The following FAM13A variants were observed in gnomAD, a reference collection of about 807,000 sequenced individuals.
The protein encoded by FAM13A is protein FAM13A.
Under a neutral mutation model 129.6 loss-of-function variants are expected in FAM13A, and 76 were observed. The observed-to-expected ratio is 0.59, with a 90% confidence interval of 0.49 to 0.71. The LOEUF is 0.71. FAM13A is among the 30% of genes least tolerant of loss of function. The probability of loss-of-function intolerance (pLI) is 0.00; values close to 1 mark genes in which losing one functional copy is unlikely to be tolerated. For missense variants in FAM13A, 1,108 were observed against 1,249.3 expected, an observed-to-expected ratio of 0.89 and a Z score of 1.70; for synonymous variants, 443 against 449.9, an observed-to-expected ratio of 0.98 and a Z score of 0.20.
chr4:89,046,877 A>G (rs1770924746), intron 1 of FAM13A, among the ~76,000 whole-genome samples: 1 of 152,150 alleles, frequency 6.6e-6, no homozygotes, highest in Non-Finnish European at 1.5e-5. Flanking sequence ...TAACTCAAAG[A>G]GTTGAGTAAA....
intron 6 of FAM13A, among the ~76,000 whole-genome samples, chr4:88,867,996 A>C (rs1028665303): frequency 1.3e-5 from 2 of 152,200 alleles, no homozygotes; most frequent in Non-Finnish European, 2.9e-5. Flanking sequence ...TCACTTCTAA[A>C]GTTTCCAAAC....
At chr4:88,990,156 G>C (rs1050262708) in intron 4 of FAM13A, 1 of 152,168 alleles carries the variant, frequency 6.6e-6, no homozygotes, top group Non-Finnish European at 1.5e-5. Flanking sequence ...CTGGAACCCT[G>C]TAGTCACTAG....
At chr4:88,887,573 C>G (rs1416855978) in intron 6 of FAM13A, among the ~76,000 whole-genome samples, 1 of 150,262 alleles carries the variant, frequency 6.7e-6, no homozygotes, top group East Asian at 2.0e-4. Context: ...CTCTGTTGCC[C>G]AGGCTGGAGT....
intron 3 of FAM13A, among the ~76,000 whole-genome samples, chr4:89,005,763 T>A (rs191242918): frequency 3.3e-5 from 5 of 151,536 alleles, no homozygotes; most frequent in African/African-American, 1.2e-4. Context: ...AATGGGGTTG[T>A]TTTTCTTTCC....
chr4:88,991,037 G>A lies in FAM13A; in HGVS notation c.541C>T (p.His181Tyr), dbSNP rs1399462611. 6.2e-7 allele frequency: 1 copy of A among 1,614,176 alleles called. No homozygotes were observed. Among genetic ancestry groups the A allele is most frequent in the East Asian group, 2.2e-5 (1 of 44,886 alleles). Reference sequence around the variant, plus strand: ...ACATTCATGCGATTCTGCACATGATGCTTGGCTACTTTTGTCAAGAACTGG... The same window carrying A: ...ACATTCATGCGATTCTGCACATGATACTTGGCTACTTTTGTCAAGAACTGG... The part of the protein sequence containing the change: ...LCQFLTKVAK[H>Y]HVQNRMNVHN... The change falls in exon 4 of 24, where the codon CAT becomes TAT. Residue 181 changes from histidine (H) to tyrosine (Y), a missense_variant. By Grantham distance (83) the His-to-Tyr change is moderately conservative. Coordinates refer to ENST00000264344, the MANE Select transcript of FAM13A (RefSeq NM_014883.4).
chr4:88,990,829 T>C, intron 4 of FAM13A, 144 bp downstream of exon 4: 1 of 549,764 alleles, frequency 1.8e-6, no homozygotes, highest in African/African-American at 1.9e-5. Flanking sequence ...AAGGCTAACA[T>C]GCCCAAGAAC....
chr4:89,013,200 C>T (rs1402718647), intron 3 of FAM13A, among the ~76,000 whole-genome samples: 1 of 151,250 alleles, frequency 6.6e-6, no homozygotes, highest in African/African-American at 2.4e-5. Context: ...CAACAAGAAA[C>T]ACAGTAATCC....
intron 14 of FAM13A, among the ~76,000 whole-genome samples, chr4:88,756,772 C>T (rs777648835): frequency 9.9e-5 from 15 of 152,004 alleles, no homozygotes; most frequent in Non-Finnish European, 1.5e-4. Flanking sequence ...TCCTTACTTT[C>T]ATTATACTTA....
At chr4:88,791,489 T>G (rs1725143874) in intron 8 of FAM13A, among the ~76,000 whole-genome samples, 1 of 152,110 alleles carries the variant, frequency 6.6e-6, no homozygotes, top group Non-Finnish European at 1.5e-5. Context: ...TCTCACAATC[T>G]GCCCTCTAGT....
chr4:88,745,179 G>C (rs936954809), intron 19 of FAM13A, among the ~76,000 whole-genome samples: 1 of 152,164 alleles, frequency 6.6e-6, no homozygotes, highest in African/African-American at 2.4e-5. Context: ...GTGTGTGTGT[G>C]TGTGTCTGTA....
chr4:88,940,898 A>G (rs1027110046), intron 4 of FAM13A, among the ~76,000 whole-genome samples: 2 of 152,210 alleles, frequency 1.3e-5, no homozygotes, highest in Admixed American at 6.5e-5. Context: ...ACAGAGTTTT[A>G]TTTCAGCAAA....
At chr4:88,837,175 G>A (rs1734958074) in intron 7 of FAM13A, among the ~76,000 whole-genome samples, 2 of 150,136 alleles carry the variant, frequency 1.3e-5, no homozygotes, top group African/African-American at 2.4e-5. Context: ...TGTATTTTTA[G>A]TAGAGACGAG....
chr4:88,886,735 C>T (rs12507897), intron 6 of FAM13A, among the ~76,000 whole-genome samples: 85,168 of 151,722 alleles, frequency 0.56, 24,907 homozygotes, highest in East Asian at 0.81. Flanking sequence ...GGTGAAACCC[C>T]GTCTCTACTA....
At chr4:88,886,800 G>A (rs545103793) in intron 6 of FAM13A, among the ~76,000 whole-genome samples, 48 of 151,520 alleles carry the variant, frequency 3.2e-4, no homozygotes, top group Admixed American at 3.0e-3. Context: ...CCAGCTATTC[G>A]GGAGGCTGAA....
At chr4:88,848,921 A>G (rs960055843) in intron 7 of FAM13A, among the ~76,000 whole-genome samples, 1 of 151,990 alleles carries the variant, frequency 6.6e-6, no homozygotes, top group African/African-American at 2.4e-5. Flanking sequence ...TTCTCCCCCA[A>G]ATTGTCCTCA....
chr4:88,787,588 T>C (rs1296971835), intron 10 of FAM13A, among the ~76,000 whole-genome samples, 165 bp downstream of exon 10: 3 of 152,308 alleles, frequency 2.0e-5, no homozygotes, highest in Non-Finnish European at 4.4e-5. Context: ...TTTCCAAATG[T>C]AGCTAAGTTT....
chr4:88,948,740 C>T (rs978073763), intron 4 of FAM13A, among the ~76,000 whole-genome samples: 4 of 152,286 alleles, frequency 2.6e-5, no homozygotes, highest in African/African-American at 7.2e-5. Flanking sequence ...CCAACCACCT[C>T]GGCCTCCCAA....
intron 19 of FAM13A, 90 bp downstream of exon 19, chr4:88,746,842 G>A: frequency 1.2e-6 from 1 of 839,554 alleles, no homozygotes; most frequent in Non-Finnish European, 2.0e-6. Context: ...CAAACATTAG[G>A]GAACCCCATT....
rs1272325691 is a variant in FAM13A at position 88,903,325 on chromosome 4, C to T, written c.843+3054G>A. Among the ~76,000 whole-genome samples, 4 of 152,140 alleles carry T rather than the reference C, an allele frequency of 2.6e-5. No homozygotes were observed. In the East Asian group the frequency reaches 7.7e-4, roughly 29 times the overall value. Reference sequence around the variant, plus strand: ...AAAGAACAAAGCTGGAGGTATCATGCTACCTGACTTCAAACTATAGTACAA... The same window carrying T: ...AAAGAACAAAGCTGGAGGTATCATGTTACCTGACTTCAAACTATAGTACAA... On this transcript the variant is annotated intron_variant, in intron 6 of 23. Transcript: ENST00000264344.
Sources: allele counts gnomAD v4.1 joint callset (sites outside exome capture counted in the v4.1 genomes callset), GRCh38; gene constraint gnomAD v4.1.1; transcripts MANE v1.5; gene names NCBI Gene and HGNC (gene_info 2026-07-23, HGNC 2026-07-21).